Variants in CNKSR3 observed in about 807,000 individuals in gnomAD.
CNKSR3 encodes CNKSR family member 3, also known as connector enhancer of kinase suppressor of ras 3.
Under a neutral mutation model 67.7 loss-of-function variants are expected in CNKSR3, and 36 were observed. That is an observed-to-expected ratio of 0.53 (90% CI 0.41 to 0.70). The LOEUF (loss-of-function observed/expected upper bound fraction) is 0.70, where lower values mean the gene tolerates loss of function less well. CNKSR3 is among the 30% of genes least tolerant of loss of function. The pLI, the probability that CNKSR3 is intolerant of heterozygous loss-of-function variation, is 0.00. For synonymous variants in CNKSR3, 281 were observed against 271.4 expected, an observed-to-expected ratio of 1.04 and a Z score of -0.35; for missense variants, 630 against 695.2, an observed-to-expected ratio of 0.91 and a Z score of 1.05.
chr6:154,452,641 C>T (rs983478313), intron 1 of CNKSR3, among the ~76,000 whole-genome samples: 10 of 152,234 alleles, frequency 6.6e-5, no homozygotes, highest in South Asian at 4.1e-4. Context: ...TATGGCTAAA[C>T]TGTGTCCCCA....
chr6:154,418,084 C>A (rs982990825), intron 9 of CNKSR3, among the ~76,000 whole-genome samples: 3 of 152,192 alleles, frequency 2.0e-5, no homozygotes, highest in South Asian at 4.1e-4. Context: ...TACCACCCCC[C>A]GCTGCTGGGA....
At chr6:154,504,277 C>G (rs887491431) in intron 1 of CNKSR3, among the ~76,000 whole-genome samples, 1 of 152,202 alleles carries the variant, frequency 6.6e-6, no homozygotes, top group Non-Finnish European at 1.5e-5. Flanking sequence ...CAAGTTCTGC[C>G]CCGGATCCTC....
intron 2 of CNKSR3, among the ~76,000 whole-genome samples, chr6:154,442,828 T>C (rs1255152905): frequency 6.6e-6 from 1 of 152,156 alleles, no homozygotes; most frequent in Non-Finnish European, 1.5e-5. Flanking sequence ...TTCTTGATAG[T>C]TCCTCTTCCC....
At chr6:154,422,827 C>A in intron 8 of CNKSR3, 88 bp downstream of exon 8, 1 of 1,249,842 alleles carries the variant, frequency 8.0e-7, no homozygotes, top group East Asian at 2.4e-5. Flanking sequence ...AGGATATAAG[C>A]GGCAAATTTT....
intron 1 of CNKSR3, among the ~76,000 whole-genome samples, chr6:154,473,233 C>G (rs1562348905): frequency 6.6e-6 from 1 of 152,164 alleles, no homozygotes; most frequent in Non-Finnish European, 1.5e-5. Context: ...AGAGCACACA[C>G]ACGTTGAAAG....
intron 1 of CNKSR3, among the ~76,000 whole-genome samples, chr6:154,476,473 A>C (rs930058451): frequency 3.3e-5 from 5 of 152,130 alleles, no homozygotes; most frequent in African/African-American, 1.2e-4. Flanking sequence ...AAAAAAAAAA[A>C]AAAGACAGAC....
Position 154,406,142 on chromosome 6 carries a change from T to C in CNKSR3, c.*212A>G. 2 of 567,048 alleles carry C rather than the reference T, an allele frequency of 3.5e-6. No individual in the cohort carries two copies. Among genetic ancestry groups the C allele is most frequent in the Non-Finnish European group, 3.1e-6 (1 of 320,498 alleles). 35.1% of individuals were successfully genotyped at this position (567,048 alleles called of 1,614,324 possible). On this transcript the variant is annotated 3_prime_UTR_variant, in exon 13 of 13. Coordinates refer to ENST00000607772, the MANE Select transcript of CNKSR3 (RefSeq NM_173515.4). ...ACAGGCTCTACCCATTTCCCTCCTT[T>C]TGTCTCCACAAGCCAGCACCTAAGA...
At chr6:154,463,951 C>T (rs185233203) in intron 1 of CNKSR3, among the ~76,000 whole-genome samples, 14 of 152,236 alleles carry the variant, frequency 9.2e-5, no homozygotes, top group East Asian at 7.7e-4. Context: ...GCCAAACCCC[C>T]GATAGCAGAA....
At chr6:154,495,572 A>T (rs550613008) in intron 1 of CNKSR3, among the ~76,000 whole-genome samples, 1 of 149,134 alleles carries the variant, frequency 6.7e-6, no homozygotes, top group East Asian at 2.0e-4. Context: ...ACAGGCTCTC[A>T]CTATGTTGTC....
At chr6:154,501,310 A>G (rs1786989282) in intron 1 of CNKSR3, among the ~76,000 whole-genome samples, 1 of 152,074 alleles carries the variant, frequency 6.6e-6, no homozygotes, top group South Asian at 2.1e-4. Flanking sequence ...TCTGCTCAAA[A>G]ACCCTGACTG....
At position 154,389,248 on chromosome 6, in the gene CNKSR3, T is replaced by G. The variant is rs1784581571; in HGVS notation, c.*17106A>C. Reference sequence around the variant, plus strand: ...ATTTTATGTTTAAATCTTTAATCCATTTTGAGTTGGGTTTTGTATGTGATG... The same window carrying G: ...ATTTTATGTTTAAATCTTTAATCCAGTTTGAGTTGGGTTTTGTATGTGATG... On this transcript the variant is annotated 3_prime_UTR_variant, in exon 13 of 13. Coordinates refer to ENST00000607772, the MANE Select transcript of CNKSR3 (RefSeq NM_173515.4). The G allele has an allele frequency of 6.6e-6, 1 of 152,184 alleles. No individual in the cohort carries two copies. Among genetic ancestry groups the G allele is most frequent in the Non-Finnish European group, 1.5e-5 (1 of 68,012 alleles). The allele number at this position is 152,184 out of a possible 1,614,324, so 9.4% of individuals were successfully genotyped here. A position where few individuals can be genotyped will look rare whatever the true frequency, so the allele number is the denominator to read the frequency against.
intron 1 of CNKSR3, among the ~76,000 whole-genome samples, chr6:154,477,315 T>C (rs1786472511): frequency 6.6e-6 from 1 of 151,990 alleles, no homozygotes; most frequent in South Asian, 2.1e-4. Flanking sequence ...TAATTTTTAT[T>C]TTTATTATTT....
chr6:154,477,913 C>T (rs1232015005), intron 1 of CNKSR3, among the ~76,000 whole-genome samples: 3 of 152,164 alleles, frequency 2.0e-5, no homozygotes, highest in Non-Finnish European at 2.9e-5. Context: ...TCCAAATCCC[C>T]TAACATCACT....
Position 154,430,611 on chromosome 6 carries a change from T to G in CNKSR3, c.550-20A>C. ...CTTGACCTAGAATTGGAGAAGCAAATAGTCAGGAAAGTTCAATCATTAACC... is the reference window on the plus strand; with the variant it reads ...CTTGACCTAGAATTGGAGAAGCAAAGAGTCAGGAAAGTTCAATCATTAACC... On this transcript the variant is annotated intron_variant, in intron 5 of 12. Coordinates refer to ENST00000607772, the MANE Select transcript of CNKSR3 (RefSeq NM_173515.4). 1 of 1,594,998 alleles carries G rather than the reference T, an allele frequency of 6.3e-7. No individual in the cohort carries two copies. The highest frequency in any genetic ancestry group is 8.5e-7 in the Non-Finnish European group (1 of 1,173,870).
chr6:154,416,866 T>A (rs1785034741), intron 9 of CNKSR3, among the ~76,000 whole-genome samples: 1 of 152,154 alleles, frequency 6.6e-6, no homozygotes, highest in Non-Finnish European at 1.5e-5. Context: ...TATCTCCCTG[T>A]GTCACAAGCA....
chr6:154,464,438 G>A (rs772648146), intron 1 of CNKSR3, among the ~76,000 whole-genome samples: 1 of 152,266 alleles, frequency 6.6e-6, no homozygotes, highest in African/African-American at 2.4e-5. Context: ...AGGCCTGGGC[G>A]GGGTGCAGTG....
At chr6:154,422,783 G>A in intron 8 of CNKSR3, 131 bp from the exon 9 acceptor site, 1 of 1,143,426 alleles carries the variant, frequency 8.7e-7, no homozygotes, top group Non-Finnish European at 1.3e-6. Flanking sequence ...GCGTAAGTAT[G>A]CTCATGTTAG....
chr6:154,475,117 G>A (rs895513904), intron 1 of CNKSR3, among the ~76,000 whole-genome samples: 5 of 152,184 alleles, frequency 3.3e-5, no homozygotes, highest in Non-Finnish European at 7.3e-5. Context: ...AGAGGGACTG[G>A]GGACATTGCT....
intron 1 of CNKSR3, among the ~76,000 whole-genome samples, chr6:154,466,777 G>A (rs1323102383): frequency 6.3e-5 from 9 of 142,360 alleles, no homozygotes; most frequent in Admixed American, 5.0e-4. Flanking sequence ...ACACCATCAC[G>A]CCCAGCTAAT....
Sources: allele counts gnomAD v4.1 joint callset (sites outside exome capture counted in the v4.1 genomes callset), GRCh38; gene constraint gnomAD v4.1.1; transcripts MANE v1.5; gene names NCBI Gene and HGNC (gene_info 2026-07-23, HGNC 2026-07-21).